The following VWC2L variants were observed in gnomAD, a reference collection of about 807,000 sequenced individuals.
The protein encoded by VWC2L is von Willebrand factor C domain containing 2 like.
VWC2L carries 10 observed loss-of-function variants against 21.6 expected under a neutral mutation model. The ratio of observed to expected loss-of-function variants is 0.46; its 90% confidence interval spans 0.29 to 0.78. The LOEUF is 0.78. Ranked by LOEUF, VWC2L falls within the 30% of genes least tolerant of loss-of-function variation. The pLI is 0.10. For missense variants in VWC2L, 209 were observed against 277.1 expected (o/e 0.75, Z 1.74); for synonymous variants, 96 against 94.3 (o/e 1.02, Z -0.10).
intron 3 of VWC2L, among the ~76,000 whole-genome samples, chr2:214,455,516 A>G (rs1703043821): frequency 6.6e-6 from 1 of 152,196 alleles, no homozygotes. Context: ...ATTCATCGCC[A>G]CTAGCATTTA....
intron 3 of VWC2L, among the ~76,000 whole-genome samples, chr2:214,546,096 G>A (rs1574629289): frequency 6.6e-6 from 1 of 152,228 alleles, no homozygotes; most frequent in East Asian, 1.9e-4. Flanking sequence ...TTGAGGGGGT[G>A]GAGGGAATTT....
At chr2:214,433,328 T>G (rs1303503382) in intron 2 of VWC2L, among the ~76,000 whole-genome samples, 1 of 151,744 alleles carries the variant, frequency 6.6e-6, no homozygotes, top group Non-Finnish European at 1.5e-5. Flanking sequence ...TCTTAGGAGT[T>G]TTCTTGTATA....
intron 3 of VWC2L, among the ~76,000 whole-genome samples, chr2:214,485,512 ATCT>A (rs1414076236): frequency 6.6e-6 from 1 of 152,104 alleles, no homozygotes; most frequent in African/African-American, 2.4e-5. Flanking sequence ...TAATCAAAAT[ATCT>A]TCTTCATAGA....
chr2:214,573,831 G>C (rs1690187970), intron 3 of VWC2L, among the ~76,000 whole-genome samples: 1 of 152,166 alleles, frequency 6.6e-6, no homozygotes, highest in African/African-American at 2.4e-5. Flanking sequence ...AGGATGGCCA[G>C]TGGCTTAGAA....
chr2:214,574,225 T>C (rs1690194990), intron 3 of VWC2L, among the ~76,000 whole-genome samples: 1 of 152,202 alleles, frequency 6.6e-6, no homozygotes, highest in African/African-American at 2.4e-5. Flanking sequence ...TTGTCAGAGC[T>C]GACCCTTATT....
intron 3 of VWC2L, among the ~76,000 whole-genome samples, chr2:214,570,955 G>C (rs1450770022): frequency 1.3e-5 from 2 of 152,168 alleles, no homozygotes; most frequent in Non-Finnish European, 2.9e-5. Context: ...GAACTTCACT[G>C]CTGTCAAAAG....
chr2:214,547,043 G>T (rs956125795), intron 3 of VWC2L, among the ~76,000 whole-genome samples: 11 of 152,144 alleles, frequency 7.2e-5, no homozygotes, highest in African/African-American at 2.4e-4. Context: ...TAGGGAGACA[G>T]AGAGCAAAGT....
intron 3 of VWC2L, among the ~76,000 whole-genome samples, chr2:214,547,359 T>C (rs1444353576): frequency 6.6e-6 from 1 of 152,048 alleles, no homozygotes; most frequent in Non-Finnish European, 1.5e-5. Flanking sequence ...GAACTAAACA[T>C]CTAGATCTAG....
chr2:214,539,965 A>G (rs1453433769), intron 3 of VWC2L, among the ~76,000 whole-genome samples: 1 of 152,170 alleles, frequency 6.6e-6, no homozygotes, highest in Non-Finnish European at 1.5e-5. Context: ...ACTTAAAAAC[A>G]TGAGACAAAT....
At chr2:214,541,905 G>T (rs1689633550) in intron 3 of VWC2L, among the ~76,000 whole-genome samples, 1 of 119,766 alleles carries the variant, frequency 8.3e-6, no homozygotes. Context: ...AGTAAACACT[G>T]TTTACTGTTT....
At chr2:214,431,610 T>C (rs1479922438) in intron 2 of VWC2L, among the ~76,000 whole-genome samples, 2 of 152,230 alleles carry the variant, frequency 1.3e-5, no homozygotes, top group African/African-American at 4.8e-5. Context: ...AAACCCGTGT[T>C]GTTTTCAGAA....
chr2:214,516,927 C>A (rs1304863360), intron 3 of VWC2L, among the ~76,000 whole-genome samples: 4 of 152,174 alleles, frequency 2.6e-5, no homozygotes, highest in Non-Finnish European at 5.9e-5. Context: ...TTAAATAAGA[C>A]AAAGTACACT....
intron 3 of VWC2L, among the ~76,000 whole-genome samples, chr2:214,465,353 G>A (rs1211272319): frequency 6.6e-6 from 1 of 152,144 alleles, no homozygotes; most frequent in Non-Finnish European, 1.5e-5. Context: ...GCATATGATG[G>A]ATTCTGCCAG....
At position 214,575,883 on chromosome 2, in the gene VWC2L, G is replaced by A. The variant is rs1010812217; in HGVS notation, c.*63G>A. ...ATGCTATGGCTTCAACACTGCACAT[G>A]TTTAACACAAAACAAAACAAACAAA... On this transcript the variant is annotated 3_prime_UTR_variant, in exon 4 of 4. Coordinates refer to ENST00000312504, the MANE Select transcript of VWC2L (RefSeq NM_001080500.4). The A allele has an allele frequency of 2.6e-6, 4 of 1,525,604 alleles. No homozygotes were observed. The highest frequency in any genetic ancestry group is 1.9e-5 in the Admixed American group (1 of 51,846). 94.5% of individuals were successfully genotyped at this position (1,525,604 alleles called of 1,614,324 possible).
chr2:214,532,429 C>T (rs1689451003), intron 3 of VWC2L, among the ~76,000 whole-genome samples: 1 of 152,038 alleles, frequency 6.6e-6, no homozygotes, highest in African/African-American at 2.4e-5. Context: ...GAAACAGACA[C>T]CCCAAGCATT....
chr2:214,439,380 C>A (rs1702727857), intron 3 of VWC2L, among the ~76,000 whole-genome samples: 1 of 151,836 alleles, frequency 6.6e-6, no homozygotes, highest in Non-Finnish European at 1.5e-5. Flanking sequence ...AATAAATATG[C>A]CCATTATAGT....
intron 2 of VWC2L, among the ~76,000 whole-genome samples, chr2:214,419,621 G>A (rs1702404812): frequency 6.6e-6 from 1 of 152,092 alleles, no homozygotes; most frequent in Admixed American, 6.6e-5. Context: ...TCAGGATTTG[G>A]ATTTGCCCAA....
chr2:214,568,683 G>T (rs1026867240), intron 3 of VWC2L, among the ~76,000 whole-genome samples: 15 of 152,184 alleles, frequency 9.9e-5, no homozygotes, highest in African/African-American at 3.1e-4. Flanking sequence ...CCCATGATTT[G>T]ATTACCTCCC....
At chr2:214,469,585 A>C (rs986824431) in intron 3 of VWC2L, among the ~76,000 whole-genome samples, 4 of 149,490 alleles carry the variant, frequency 2.7e-5, no homozygotes, top group African/African-American at 9.9e-5. Context: ...ACAGAGGGAG[A>C]CTCTGTCTCC....
Sources: allele counts gnomAD v4.1 joint callset (sites outside exome capture counted in the v4.1 genomes callset), GRCh38; gene constraint gnomAD v4.1.1; transcripts MANE v1.5; gene names NCBI Gene and HGNC (gene_info 2026-07-23, HGNC 2026-07-21).